The following C12orf50 variants were observed in gnomAD, a reference collection of about 807,000 sequenced individuals.
C12orf50 encodes uncharacterized protein C12orf50.
A neutral mutation model predicts 61.6 loss-of-function variants in C12orf50; 35 were observed. The ratio of observed to expected loss-of-function variants is 0.57; its 90% confidence interval spans 0.43 to 0.75. The LOEUF is 0.75. Among genes scored for constraint, C12orf50 ranks in the 30% least tolerant of loss-of-function variants. C12orf50 has a pLI of 0.00. For synonymous variants in C12orf50, 178 were observed against 161.5 expected, an observed-to-expected ratio of 1.10 and a Z score of -0.77; for missense variants, 475 against 488.5, an observed-to-expected ratio of 0.97 and a Z score of 0.26.
At chr12:88,018,425 A>T (rs1248062794) in intron 3 of C12orf50, among the ~76,000 whole-genome samples, 4 of 152,214 alleles carry the variant, frequency 2.6e-5, no homozygotes, top group Admixed American at 2.6e-4. Flanking sequence ...CCCAGGCAAA[A>T]GTTTGTTGCA....
intron 8 of C12orf50, among the ~76,000 whole-genome samples, chr12:87,988,515 T>C (rs2030957260): frequency 6.6e-6 from 1 of 152,302 alleles, no homozygotes; most frequent in East Asian, 1.9e-4. Context: ...CAAAGAGTCA[T>C]AAATAGCTGG....
At chr12:88,012,867 C>T (rs919875896) in intron 3 of C12orf50, among the ~76,000 whole-genome samples, 3 of 152,050 alleles carry the variant, frequency 2.0e-5, no homozygotes, top group African/African-American at 4.8e-5. Context: ...GAGTTGAGAC[C>T]GGCCTACATA....
chr12:88,014,588 C>A (rs1026274029), intron 3 of C12orf50, among the ~76,000 whole-genome samples: 22 of 152,256 alleles, frequency 1.4e-4, no homozygotes, highest in African/African-American at 5.3e-4. Context: ...CGTGAGCCAC[C>A]GCGCCTGGCT....
intron 7 of C12orf50, among the ~76,000 whole-genome samples, chr12:87,992,968 T>G (rs1351991946): frequency 2.0e-5 from 3 of 152,150 alleles, no homozygotes; most frequent in African/African-American, 7.2e-5. Context: ...TATGTTTAGA[T>G]ATATCTATCA....
At chr12:88,005,891 CTA>C (rs1228515196) in intron 3 of C12orf50, among the ~76,000 whole-genome samples, 4 of 129,108 alleles carry the variant, frequency 3.1e-5, no homozygotes, top group Non-Finnish European at 4.9e-5. Context: ...TGACAAAGGA[CTA>C]TGTTTTTTTG....
At chr12:87,980,598 C>G (rs936628787) in intron 12 of C12orf50, among the ~76,000 whole-genome samples, 1 of 152,080 alleles carries the variant, frequency 6.6e-6, no homozygotes, top group Non-Finnish European at 1.5e-5. Context: ...TAAGGCTGTG[C>G]TATGGGACAT....
At chr12:88,024,996 G>C (rs2032649592) in intron 3 of C12orf50, among the ~76,000 whole-genome samples, 1 of 152,088 alleles carries the variant, frequency 6.6e-6, no homozygotes, top group Admixed American at 6.6e-5. Flanking sequence ...ATGGGGGAAG[G>C]ATTTGGTGAC....
chr12:88,013,057 C>T (rs942581277), intron 3 of C12orf50, among the ~76,000 whole-genome samples: 31 of 151,754 alleles, frequency 2.0e-4, no homozygotes, highest in African/African-American at 7.3e-4. Context: ...GAGCAAGATC[C>T]TGTCTCCAAA....
At chr12:88,000,634 A>C (rs1291621061) in intron 3 of C12orf50, among the ~76,000 whole-genome samples, 1 of 152,012 alleles carries the variant, frequency 6.6e-6, no homozygotes, top group Non-Finnish European at 1.5e-5. Context: ...AATTTGGAGA[A>C]TACTGGCATA....
intron 3 of C12orf50, 142 bp from the exon 4 acceptor site, chr12:87,998,332 TAC>T (rs1293061297): frequency 5.2e-5 from 29 of 562,378 alleles, no homozygotes; most frequent in African/African-American, 4.6e-4. Flanking sequence ...ATTGTGTTTC[TAC>T]ACACTAGCAA....
intron 1 of C12orf50, 36 bp downstream of exon 1, chr12:88,029,304 T>A (rs772785537): frequency 5.0e-6 from 1 of 198,560 alleles, no homozygotes; most frequent in African/African-American, 2.3e-5. Flanking sequence ...TATTACGCAA[T>A]AGATAATTCT....
At chr12:88,013,159 A>T (rs1440686762) in intron 3 of C12orf50, among the ~76,000 whole-genome samples, 1 of 152,138 alleles carries the variant, frequency 6.6e-6, no homozygotes. Context: ...AAATAAAGAG[A>T]CATGACAACC....
intron 3 of C12orf50, among the ~76,000 whole-genome samples, chr12:88,004,616 G>A (rs2031782812): frequency 6.6e-6 from 1 of 152,144 alleles, no homozygotes; most frequent in South Asian, 2.1e-4. Flanking sequence ...CAATAGCAAA[G>A]ACATGGAGTC....
At chr12:87,992,611 C>T (rs1269855079) in intron 7 of C12orf50, among the ~76,000 whole-genome samples, 1 of 152,004 alleles carries the variant, frequency 6.6e-6, no homozygotes, top group African/African-American at 2.4e-5. Flanking sequence ...ACTAAGAGTT[C>T]AAACTGTATA....
At chr12:87,981,856 T>A (rs1189501821) in intron 12 of C12orf50, among the ~76,000 whole-genome samples, 1 of 152,002 alleles carries the variant, frequency 6.6e-6, no homozygotes, top group Non-Finnish European at 1.5e-5. Context: ...CTAACCCAGA[T>A]AACAGCAAAA....
At chr12:87,991,924 C>T (rs939752619) in intron 7 of C12orf50, among the ~76,000 whole-genome samples, 47 of 152,208 alleles carry the variant, frequency 3.1e-4, no homozygotes, top group African/African-American at 1.1e-3. Flanking sequence ...TGTTTGCAAA[C>T]GTACGCAGAG....
At chr12:88,020,493 C>A (rs1226740171) in intron 3 of C12orf50, among the ~76,000 whole-genome samples, 2 of 152,096 alleles carry the variant, frequency 1.3e-5, no homozygotes, top group African/African-American at 2.4e-5. Flanking sequence ...ACCTTACTAT[C>A]CTAAATATAT....
At chr12:88,019,091 A>G (rs1237239942) in intron 3 of C12orf50, among the ~76,000 whole-genome samples, 1 of 151,980 alleles carries the variant, frequency 6.6e-6, no homozygotes, top group African/African-American at 2.4e-5. Context: ...GGATGGAATG[A>G]TATGGTTTGG....
chr12:87,984,082 C>T (rs912466012), intron 11 of C12orf50: 4 of 151,386 alleles, frequency 2.6e-5, no homozygotes, highest in Non-Finnish European at 5.9e-5. Context: ...GATTGCCATT[C>T]TAACTGGTGT....
Sources: gnomAD v4.1 joint callset for allele counts (sites outside exome capture counted in the v4.1 genomes callset) on GRCh38, gnomAD v4.1.1 for gene constraint, MANE v1.5 for transcripts, NCBI Gene and HGNC (gene_info 2026-07-23, HGNC 2026-07-21) for gene names.